Variants in WDFY4 observed in about 807,000 individuals in gnomAD.
WDFY4 encodes WD repeat- and FYVE domain-containing protein 4.
A neutral mutation model predicts 351.9 loss-of-function variants in WDFY4; 169 were observed. The ratio of observed to expected loss-of-function variants is 0.48; its 90% CI spans 0.42 to 0.55. The LOEUF is 0.55. Among genes scored for constraint, WDFY4 ranks in the 20% least tolerant of loss-of-function variants. The probability of loss-of-function intolerance (pLI) is 0.00; values close to 1 mark genes in which losing one functional copy is unlikely to be tolerated. For missense variants in WDFY4, 3,803 were observed against 3,935.6 expected (o/e 0.97, Z 0.90); for synonymous variants, 1,622 against 1,574.6 (o/e 1.03, Z -0.71).
chr10:48,851,565 C>T (rs1051629407), intron 39 of WDFY4, among the ~76,000 whole-genome samples: 10 of 152,226 alleles, frequency 6.6e-5, no homozygotes, highest in African/African-American at 2.4e-4. Context: ...CCGTAACTGT[C>T]ATCGTGGCAT....
chr10:48,878,268 A>G (rs543400071), intron 43 of WDFY4: 5 of 152,702 alleles, frequency 3.3e-5, no homozygotes, highest in African/African-American at 1.2e-4. Flanking sequence ...CTGGTGCGCC[A>G]CAGGGGACAC....
Position 48,890,868 on chromosome 10 carries a change from A to G in WDFY4, c.7316+141A>G. 3 of 1,220,592 alleles carry G rather than the reference A, an allele frequency of 2.5e-6. No individual in the cohort carries two copies. The South Asian group carries it at 4.5e-5, about 18-fold the overall frequency. The allele number at this position is 1,220,592 out of a possible 1,614,324, so 75.6% of individuals were successfully genotyped here. A position where few individuals can be genotyped will look rare whatever the true frequency, so the allele number is the denominator to read the frequency against. On this transcript the variant is annotated intron_variant, in intron 44 of 61. Transcript: ENST00000325239. Reference sequence around the variant, plus strand: ...AAACTGAGCCATGAGATAAAACAGAAGGACCTGCAGGCATAGGCCATCCAT... The same window carrying G: ...AAACTGAGCCATGAGATAAAACAGAGGGACCTGCAGGCATAGGCCATCCAT...
chr10:48,938,946 C>T (rs181606329), intron 47 of WDFY4, among the ~76,000 whole-genome samples: 32 of 152,194 alleles, frequency 2.1e-4, no homozygotes, highest in Admixed American at 1.6e-3. Flanking sequence ...AAGGCCAGGC[C>T]GGGTAACCGC....
At chr10:48,750,315 A>G (rs1230149854) in intron 12 of WDFY4, among the ~76,000 whole-genome samples, 5 of 152,220 alleles carry the variant, frequency 3.3e-5, no homozygotes, top group African/African-American at 9.6e-5. Flanking sequence ...GTGCTTTCCC[A>G]TGATTCCCAG....
intron 31 of WDFY4, among the ~76,000 whole-genome samples, chr10:48,816,454 A>G (rs998597582): frequency 6.6e-5 from 10 of 152,194 alleles, no homozygotes; most frequent in Non-Finnish European, 1.0e-4. Context: ...TTTGGTTTTT[A>G]AACTTTTGTT....
chr10:48,733,817 T>C, intron 9 of WDFY4, 114 bp from the exon 10 acceptor site: 1 of 915,378 alleles, frequency 1.1e-6, no homozygotes, highest in East Asian at 2.7e-5. Context: ...CACTCCCTTA[T>C]GATGAAAGCA....
intron 1 of WDFY4, among the ~76,000 whole-genome samples, chr10:48,685,323 G>A (rs1240159433): frequency 6.6e-6 from 1 of 152,226 alleles, no homozygotes; most frequent in Non-Finnish European, 1.5e-5. Flanking sequence ...TCCTTTCTCG[G>A]GGTCCTGCTA....
At chr10:48,896,284 A>G (rs1837073515) in intron 44 of WDFY4, among the ~76,000 whole-genome samples, 1 of 152,176 alleles carries the variant, frequency 6.6e-6, no homozygotes, top group Non-Finnish European at 1.5e-5. Flanking sequence ...ATGAGTGGCT[A>G]TGTCATCCCC....
chr10:48,746,977 T>C (rs1298532640), intron 12 of WDFY4, among the ~76,000 whole-genome samples: 2 of 152,242 alleles, frequency 1.3e-5, no homozygotes, highest in Non-Finnish European at 2.9e-5. Context: ...TCACCATTCT[T>C]TTTTGCATCT....
At chr10:48,837,699 G>A (rs2068451558) in intron 39 of WDFY4, among the ~76,000 whole-genome samples, 1 of 152,168 alleles carries the variant, frequency 6.6e-6, no homozygotes, top group South Asian at 2.1e-4. Flanking sequence ...ACAGAGAGTG[G>A]AGAAAAATAA....
intron 46 of WDFY4, among the ~76,000 whole-genome samples, chr10:48,900,767 G>A (rs558164460): frequency 6.6e-6 from 1 of 152,288 alleles, no homozygotes; most frequent in Non-Finnish European, 1.5e-5. Context: ...TCCCACATGT[G>A]CACTGAACAT....
At chr10:48,720,895 C>G (rs1380210675) in intron 3 of WDFY4, among the ~76,000 whole-genome samples, 1 of 152,092 alleles carries the variant, frequency 6.6e-6, no homozygotes, top group Non-Finnish European at 1.5e-5. Context: ...AGAAATTGCT[C>G]AGCATGGTGT....
At chr10:48,855,303 C>T (rs1168798598) in intron 39 of WDFY4, among the ~76,000 whole-genome samples, 1 of 152,112 alleles carries the variant, frequency 6.6e-6, no homozygotes, top group Non-Finnish European at 1.5e-5. Context: ...GACTCCATGC[C>T]TCCTTCCAGT....
At chr10:48,747,155 G>C (rs1474120769) in intron 12 of WDFY4, among the ~76,000 whole-genome samples, 5 of 152,066 alleles carry the variant, frequency 3.3e-5, no homozygotes, top group African/African-American at 1.2e-4. Flanking sequence ...AACATTTATT[G>C]GTTGACAGTT....
intron 44 of WDFY4, among the ~76,000 whole-genome samples, chr10:48,893,272 G>A (rs1836906247): frequency 6.6e-6 from 1 of 152,166 alleles, no homozygotes; most frequent in African/African-American, 2.4e-5. Flanking sequence ...GGTTGGATTT[G>A]GACCCATCCC....
chr10:48,788,595 A>G lies in WDFY4; in HGVS notation c.3874A>G (p.Ile1292Val), dbSNP rs1158244109. 3.9e-6 allele frequency: 6 copies of G among 1,551,754 alleles called. No homozygotes were observed. Among genetic ancestry groups the G allele is most frequent in the Non-Finnish European group, 4.4e-6 (5 of 1,147,024 alleles). Residue 1292 changes from isoleucine (I) to valine (V), a missense_variant, in exon 21 of 62, where the codon ATA becomes GTA. Transcript: ENST00000325239. ...AGAAAGAGTTTCTTTTGGACTTCAC[A>G]TAGCCAGCTCCTCTATCACCAGTGT... ...AEERVSFGLH[I>V]ASSSITSVAD... is the part of the protein sequence containing the mutation.
intron 44 of WDFY4, among the ~76,000 whole-genome samples, chr10:48,896,440 G>C (rs999046446): frequency 1.3e-5 from 2 of 152,156 alleles, no homozygotes; most frequent in African/African-American, 4.8e-5. Context: ...AGATGTCAGG[G>C]AGACAGGCCA....
chr10:48,767,417 C>T (rs531417334), intron 13 of WDFY4, among the ~76,000 whole-genome samples: 1 of 152,186 alleles, frequency 6.6e-6, no homozygotes, highest in Non-Finnish European at 1.5e-5. Flanking sequence ...GAAGGTAATA[C>T]ATTTTAGGTA....
At chr10:48,945,921 G>T in intron 49 of WDFY4, 119 bp from the exon 50 acceptor site, 8 of 634,266 alleles carry the variant, frequency 1.3e-5, no homozygotes, top group Non-Finnish European at 1.8e-5. Context: ...CTAACCACCA[G>T]AGGCAGGTCA....
Sources: allele counts gnomAD v4.1 joint callset (sites outside exome capture counted in the v4.1 genomes callset), GRCh38; gene constraint gnomAD v4.1.1; transcripts MANE v1.5; gene names NCBI Gene and HGNC (gene_info 2026-07-23, HGNC 2026-07-21).